The following ACADVL variants were observed in gnomAD, a reference collection of about 807,000 sequenced individuals.
The protein encoded by ACADVL is acyl-CoA dehydrogenase very long chain.
In ACADVL, 73 loss-of-function variants were observed where a neutral mutation model predicts 80.4. The ratio of observed to expected loss-of-function variants is 0.91; its 90% CI spans 0.75 to 1.10. ACADVL has a LOEUF of 1.10. Ranked by LOEUF, ACADVL falls within the 50% of genes least tolerant of loss-of-function variation. The pLI is 0.00. For synonymous variants in ACADVL, 392 were observed against 326.5 expected, an observed-to-expected ratio of 1.20 and a Z score of -2.16; for missense variants, 878 against 858.9, an observed-to-expected ratio of 1.02 and a Z score of -0.28.
upstream of ACADVL, chr17:7,219,815 G>A (rs755170147): frequency 3.3e-6 from 5 of 1,530,720 alleles, no homozygotes; most frequent in Admixed American, 4.0e-5. Context: ...GCGGAACGCA[G>A]GGCCGGGCTC....
intron 6 of ACADVL, 109 bp downstream of exon 6, chr17:7,221,167 G>A (rs1159393962): frequency 1.3e-6 from 2 of 1,549,310 alleles, no homozygotes; most frequent in African/African-American, 2.7e-5. Flanking sequence ...CTAAGCACCT[G>A]CCCTGGGTGC....
upstream of ACADVL, chr17:7,217,915 AG>A: frequency 8.2e-7 from 1 of 1,223,996 alleles, no homozygotes; most frequent in South Asian, 1.3e-5. Flanking sequence ...GGCAGGCGGT[AG>A]GGGGTCGGGT....
chr17:7,224,553 G>C lies in ACADVL; in HGVS notation c.1678+1G>C. ...ATAAAACACAAGAAGGGGATTGTCA[G>C]TAAGTGAGCTCTACACCATTCCGCC... On this transcript the variant is annotated splice_donor_variant, in intron 17 of 19. Transcript: ENST00000356839. LOFTEE classifies it high-confidence loss of function. 1 of 1,608,796 alleles carries C rather than the reference G, an allele frequency of 6.2e-7. No homozygotes were observed. The highest frequency in any genetic ancestry group is 8.5e-7 in the Non-Finnish European group (1 of 1,178,990).
intron 6 of ACADVL, 58 bp downstream of exon 6, chr17:7,221,116 C>G: frequency 6.2e-7 from 1 of 1,610,582 alleles, no homozygotes. Context: ...GCAGACTCAG[C>G]TCTTTTGCCA....
Position 7,220,647 on chromosome 17 carries a change from C to T in ACADVL, c.248C>T (p.Thr83Ile), listed in dbSNP as rs2071157931. The change falls in exon 4 of 20, where the codon ACC (threonine) becomes ATC (isoleucine). Residue 83 changes from threonine to isoleucine, a missense_variant. Coordinates refer to ENST00000356839, the MANE Select transcript of ACADVL (RefSeq NM_000018.4). The stretch of plus-strand genomic sequence containing the variant: ...GTGGGAATGTTCAAAGGCCAGCTCA[C>T]CACAGATCAGGTGTTCCCATACCCG... ...FAVGMFKGQL[T>I]TDQVFPYPSV... The T allele has an allele frequency of 6.2e-7, 1 of 1,614,092 alleles. No individual in the cohort carries two copies. Among genetic ancestry groups the T allele is most frequent in the Non-Finnish European group, 8.5e-7 (1 of 1,180,050 alleles).
chr17:7,223,130 C>T lies in ACADVL; in HGVS notation c.1078-3C>T. On this transcript the variant is annotated splice_region_variant and splice_polypyrimidine_tract_variant and intron_variant, in intron 10 of 19. Transcript: ENST00000356839. ...ACAGCGGGATGTGTGGACCCTCTTC[C>T]AGGTAGATCATGCCACTAATCGTAC... 1 of 1,611,430 alleles carries T rather than the reference C, an allele frequency of 6.2e-7. No homozygotes were observed. The highest frequency in any genetic ancestry group is 1.3e-5 in the African/African-American group (1 of 74,982).
At position 7,223,836 on chromosome 17, in the gene ACADVL, T is replaced by C. The variant is rs2142985083; in HGVS notation, c.1293T>C (p.Asp431=). 2.5e-6 allele frequency: 4 copies of C among 1,614,108 alleles called. No individual in the cohort carries two copies. The highest frequency in any genetic ancestry group is 3.4e-6 in the Non-Finnish European group (4 of 1,180,028). The change falls in exon 13 of 20, where the codon GAT becomes GAC. Residue 431 remains aspartate, a synonymous_variant. Coordinates refer to ENST00000356839, the MANE Select transcript of ACADVL (RefSeq NM_000018.4). ...FGSEAAWKVT[D]ECIQIMGGMG... ...AGGAGGCAGCCTGGAAGGTGACAGA[T>C]GAATGCATCCAAATCATGGGGGGTA...
chr17:7,217,910 G>A, upstream of ACADVL: 1 of 1,247,934 alleles, frequency 8.0e-7, no homozygotes, highest in Non-Finnish European at 1.1e-6. Context: ...CTCTCGGCAG[G>A]CGGTAGGGGG....
chr17:7,223,674 G>A lies in ACADVL; in HGVS notation c.1213G>A (p.Asp405Asn), dbSNP rs755981642. ...SMAYMVSANM[D>N]QGATDFQIEA... ...GGCTTACATGGTGAGTGCTAACATG[G>A]ACCAGGGAGCCACGGACTTCCAGAT... Residue 405 changes from aspartate (D) to asparagine (N), a missense_variant, in exon 12 of 20, where the codon GAC (aspartate) becomes AAC (asparagine). Coordinates refer to ENST00000356839, the MANE Select transcript of ACADVL (RefSeq NM_000018.4). 6.2e-7 allele frequency: 1 copy of A among 1,614,052 alleles called. No individual in the cohort carries two copies. Among genetic ancestry groups the A allele is most frequent in the Non-Finnish European group, 8.5e-7 (1 of 1,180,008 alleles).
At position 7,222,866 on chromosome 17, in the gene ACADVL, G is replaced by A. The variant is rs140989450; in HGVS notation, c.1077+1G>A. On this transcript the variant is annotated splice_donor_variant, in intron 10 of 19. Coordinates refer to ENST00000356839, the MANE Select transcript of ACADVL (RefSeq NM_000018.4). LOFTEE classifies it high-confidence loss of function. ...CATGAGAGGCATCATTGCTAAGGCG[G>A]TGAGTACCCTGCCCGAGTCCCTAGG... The A allele has an allele frequency of 4.3e-6, 7 of 1,611,108 alleles. No homozygotes were observed. The highest frequency in any genetic ancestry group is 5.9e-6 in the Non-Finnish European group (7 of 1,179,964).
upstream of ACADVL, chr17:7,219,671 G>A: frequency 7.6e-7 from 1 of 1,315,098 alleles, no homozygotes. Flanking sequence ...CCCTCTGGCT[G>A]CAGTGACTTA....
chr17:7,224,108 A>T, intron 14 of ACADVL, 38 bp from the exon 15 acceptor site: 1 of 1,613,522 alleles, frequency 6.2e-7, no homozygotes, highest in South Asian at 1.1e-5. Context: ...GGTGGGGAGG[A>T]CAGTGAGTCC....
chr17:7,224,107 G>C lies in ACADVL; in HGVS notation c.1434+38G>C, dbSNP rs763704056. On this transcript the variant is annotated intron_variant, in intron 14 of 19. Transcript: ENST00000356839. The stretch of plus-strand genomic sequence containing the variant: ...ATTGGGTGGGGGTAGAGGTGGGGAG[G>C]ACAGTGAGTCCTGACTGCTGGACCC... The C allele has an allele frequency of 3.1e-6, 5 of 1,612,818 alleles. No homozygotes were observed. The African/African-American group carries it at 5.3e-5, about 17-fold the overall frequency.
chr17:7,219,031 T>G, upstream of ACADVL: 1 of 660,274 alleles, frequency 1.5e-6, no homozygotes, highest in Non-Finnish European at 2.6e-6. Flanking sequence ...GGCCCCCTCT[T>G]CCCATAGGCA....
At chr17:7,219,661 C>T, upstream of ACADVL, 2 of 1,300,260 alleles carry the variant, frequency 1.5e-6, no homozygotes, top group Non-Finnish European at 2.0e-6. Context: ...CCACCTCCAT[C>T]CCTCTGGCTG....
upstream of ACADVL, chr17:7,218,976 G>C: frequency 1.0e-6 from 1 of 999,188 alleles, no homozygotes; most frequent in African/African-American, 1.6e-5. Context: ...CATTCCCCCA[G>C]GTCCCAAGGC....
At chr17:7,222,944 G>A in intron 10 of ACADVL, 79 bp downstream of exon 10, 3 of 1,553,030 alleles carry the variant, frequency 1.9e-6, no homozygotes, top group Non-Finnish European at 2.6e-6. Flanking sequence ...CTGATCACTT[G>A]CAGGCACTCC....
chr17:7,221,533 T>C lies in ACADVL; in HGVS notation c.478-5T>C. The C allele has an allele frequency of 6.2e-7, 1 of 1,614,064 alleles. No individual in the cohort carries two copies. Among genetic ancestry groups the C allele is most frequent in the Non-Finnish European group, 8.5e-7 (1 of 1,180,012 alleles). ...GACAACCCCAGATTCCTGCTTCCCC[T>C]CCAGTACGCCCGTTTGGTGGAGATC... On this transcript the variant is annotated splice_region_variant and splice_polypyrimidine_tract_variant and intron_variant, in intron 6 of 19. Transcript: ENST00000356839.
Position 7,222,103 on chromosome 17 carries a change from C to T in ACADVL, c.752+22C>T. The T allele has an allele frequency of 3.7e-6, 6 of 1,614,152 alleles. No homozygotes were observed. The South Asian group carries it at 6.6e-5, about 18-fold the overall frequency. On this transcript the variant is annotated intron_variant, in intron 8 of 19. Coordinates refer to ENST00000356839, the MANE Select transcript of ACADVL (RefSeq NM_000018.4). Reference sequence around the variant, plus strand: ...TCAGGCAACCTGCCTCCCATTTCTCCCCTTCTCCTCCGCCCAATTCCAGGC... The same window carrying T: ...TCAGGCAACCTGCCTCCCATTTCTCTCCTTCTCCTCCGCCCAATTCCAGGC...
Sources: allele counts gnomAD v4.1 joint callset, GRCh38; gene constraint gnomAD v4.1.1; transcripts MANE v1.5; gene names NCBI Gene and HGNC (gene_info 2026-07-23, HGNC 2026-07-21).